MAP4K2: variants seen among roughly 807,000 people sequenced by gnomAD.
MAP4K2 encodes the protein mitogen-activated protein kinase kinase kinase kinase 2.
In MAP4K2, 85 loss-of-function variants were observed where a neutral mutation model predicts 125.3. The observed-to-expected ratio is 0.68, with a 90% CI of 0.57 to 0.81. The LOEUF (loss-of-function observed/expected upper bound fraction) is 0.81, where lower values mean the gene tolerates loss of function less well. Ranked by LOEUF, MAP4K2 falls within the 40% of genes least tolerant of loss-of-function variation. The pLI, the probability that MAP4K2 is intolerant of heterozygous loss-of-function variation, is 0.00. For missense variants in MAP4K2, 923 were observed against 1,056.4 expected (o/e 0.87, Z 1.75); for synonymous variants, 479 against 445.1 (o/e 1.08, Z -0.96).
chr11:64,796,434 G>A (rs1325269879), intron 23 of MAP4K2, 44 bp from the exon 24 acceptor site: 10 of 1,613,582 alleles, frequency 6.2e-6, no homozygotes, highest in African/African-American at 2.7e-5. Context: ...TTGGTGGGCA[G>A]GATGCTGAGG....
At chr11:64,802,810 A>T (rs1003482168) in intron 2 of MAP4K2, 75 bp downstream of exon 2, 1 of 1,524,612 alleles carries the variant, frequency 6.6e-7, no homozygotes, top group African/African-American at 1.4e-5. Context: ...CGGAAACGTC[A>T]ACCCTCCGCC....
chr11:64,802,497 G>A lies in MAP4K2; in HGVS notation c.246-14C>T, dbSNP rs1728962298. On this transcript the variant is annotated splice_polypyrimidine_tract_variant and intron_variant, in intron 3 of 31. Transcript: ENST00000294066. ...AAGCGGTCATTCCTAGGGACAAAGA[G>A]CTGGGGTGGGCACAAAGCAGGTCAC... 3.9e-6 allele frequency: 6 copies of A among 1,545,864 alleles called. No individual in the cohort carries two copies. Among genetic ancestry groups the A allele is most frequent in the Non-Finnish European group, 5.2e-6 (6 of 1,145,648 alleles).
At position 64,797,513 on chromosome 11, in the gene MAP4K2, G is replaced by A. The variant is rs952003324; in HGVS notation, c.1158C>T (p.Ala386=). Residue 386 remains alanine, a synonymous_variant, in exon 17 of 32, where the codon GCC becomes GCT. Coordinates refer to ENST00000294066, the MANE Select transcript of MAP4K2 (RefSeq NM_004579.5). ...LEERSLTIRS[A]SEFQELDSPD... ...CTCTGTGTGGCACCTGGAATTCTGAGGCTGACCGAATAGTCAGACTCCTGT... is the reference window on the plus strand; with the variant it reads ...CTCTGTGTGGCACCTGGAATTCTGAAGCTGACCGAATAGTCAGACTCCTGT... 1.3e-6 allele frequency: 2 copies of A among 1,567,330 alleles called. No individual in the cohort carries two copies. Among genetic ancestry groups the A allele is most frequent in the African/African-American group, 2.7e-5 (2 of 73,828 alleles).
At position 64,789,500 on chromosome 11, in the gene MAP4K2, G is replaced by C; in HGVS notation, c.*37C>G. ...CAAAAGGGCCTGCAGCTAAGGCGTG[G>C]GGTGGGGCGGGGAGCCCCTGGACAG... On this transcript the variant is annotated 3_prime_UTR_variant, in exon 32 of 32. Transcript: ENST00000294066. 6.5e-7 allele frequency: 1 copy of C among 1,540,480 alleles called. No homozygotes were observed.
At position 64,802,474 on chromosome 11, in the gene MAP4K2, G is replaced by T. The variant is rs761007961; in HGVS notation, c.255C>A (p.Arg85=). ...CGCAGAACTCCATGCAGATCCACAA[G>T]CGGTCATTCCTAGGGACAAAGAGCT... ...AYIGSYLRND[R]LWICMEFCGG... is the part of the protein sequence containing the mutation. Residue 85 remains arginine, a synonymous_variant, in exon 4 of 32, where the codon CGC becomes CGA. Coordinates refer to ENST00000294066, the MANE Select transcript of MAP4K2 (RefSeq NM_004579.5). 1.4e-5 allele frequency: 22 copies of T among 1,521,774 alleles called. No individual in the cohort carries two copies. The highest frequency in any genetic ancestry group is 1.9e-5 in the Non-Finnish European group (21 of 1,134,312). The allele number at this position is 1,521,774 out of a possible 1,614,324, so 94.3% of individuals were successfully genotyped here.
At chr11:64,801,963 A>G in intron 5 of MAP4K2, 103 bp downstream of exon 5, 1 of 1,297,664 alleles carries the variant, frequency 7.7e-7, no homozygotes, top group Middle Eastern at 2.7e-4. Context: ...CCCTCGGGCC[A>G]GCCCCACCCG....
chr11:64,795,562 G>A (rs931195348), intron 24 of MAP4K2, among the ~76,000 whole-genome samples: 3 of 151,918 alleles, frequency 2.0e-5, no homozygotes, highest in Non-Finnish European at 2.9e-5. Context: ...CACCACGCCC[G>A]GCTAATTTTT....
rs769218032 is a variant in MAP4K2 at position 64,789,493 on chromosome 11, A to G, written c.*44T>C. On this transcript the variant is annotated 3_prime_UTR_variant, in exon 32 of 32. Transcript: ENST00000294066. ...CTTTGCCCAAAAGGGCCTGCAGCTA[A>G]GGCGTGGGGTGGGGCGGGGAGCCCC... 3.5e-5 allele frequency: 54 copies of G among 1,532,180 alleles called. No homozygotes were observed. In the Middle Eastern group the frequency reaches 7.4e-4, roughly 21 times the overall value. The allele number at this position is 1,532,180 out of a possible 1,614,324, so 94.9% of individuals were successfully genotyped here.
At chr11:64,799,319 C>T in intron 14 of MAP4K2, 102 bp downstream of exon 14, 1 of 1,443,132 alleles carries the variant, frequency 6.9e-7, no homozygotes, top group South Asian at 1.2e-5. Context: ...GGCCCGAGGC[C>T]ACCCAGCTTC....
rs1481771513 is a variant in MAP4K2, at chr11:64,803,036, C to T, written c.96+18G>A. 2 of 1,599,992 alleles carry T rather than the reference C, an allele frequency of 1.3e-6. No individual in the cohort carries two copies. The highest frequency in any genetic ancestry group is 1.1e-5 in the South Asian group (1 of 89,766). ...GGCTGGCACCCTCCTCCCGGCTCTC[C>T]CGCCCGTCCCGTCGCACCTTGTAGA... is the stretch of plus-strand genomic sequence containing the variant. On this transcript the variant is annotated intron_variant, in intron 1 of 31. Transcript: ENST00000294066.
rs1252126365 is a variant in MAP4K2 at position 64,802,656 on chromosome 11, G to A, written c.155-3C>T. 2 of 1,611,982 alleles carry A rather than the reference G, an allele frequency of 1.2e-6. No homozygotes were observed. The highest frequency in any genetic ancestry group is 1.7e-6 in the Non-Finnish European group (2 of 1,179,166). On this transcript the variant is annotated splice_region_variant and splice_polypyrimidine_tract_variant and intron_variant, in intron 2 of 31. Transcript: ENST00000294066. ...CTGGAGGGAGCTGATGTCGTCCCCT[G>A]GGAAGCACAAAGCATCATGGGGAAG...
chr11:64,802,517 G>A, intron 3 of MAP4K2, 34 bp from the exon 4 acceptor site: 1 of 1,568,344 alleles, frequency 6.4e-7, no homozygotes, highest in South Asian at 1.2e-5. Flanking sequence ...GCACAAAGCA[G>A]GTCACATGGG....
chr11:64,792,069 C>A lies in MAP4K2; in HGVS notation c.1932G>T (p.Leu644=). 6.3e-7 allele frequency: 1 copy of A among 1,588,768 alleles called. No individual in the cohort carries two copies. Among genetic ancestry groups the A allele is most frequent in the Non-Finnish European group, 8.6e-7 (1 of 1,167,886 alleles). Residue 644 remains leucine, a synonymous_variant, in exon 27 of 32, where the codon CTG becomes CTT. Coordinates refer to ENST00000294066, the MANE Select transcript of MAP4K2 (RefSeq NM_004579.5). ...FLLLKNFSSP[L]PSPAGMLEPL... The stretch of plus-strand genomic sequence containing the variant: ...GCTCCAGCATCCCAGCTGGGCTGGG[C>A]AGAGGGCTGGAGAAGTTCTAGGGGG...
intron 2 of MAP4K2, 101 bp from the exon 3 acceptor site, chr11:64,802,754 C>G (rs1403596499): frequency 1.4e-6 from 2 of 1,458,210 alleles, no homozygotes; most frequent in Non-Finnish European, 1.9e-6. Context: ...CCGGGCCAGG[C>G]AGGTGCAGGT....
rs1346430547 is a variant in MAP4K2, at chr11:64,792,000, C to A, written c.2001G>T (p.Gly667=). The stretch of plus-strand genomic sequence containing the variant: ...AGCCGGGCCCCTCAGGCCCCTCGGC[C>A]CCAACACACACCTGCGGCAGCTCCT... ...DGKELPQVCV[G]AEGPEGPGCR... The change falls in exon 27 of 32, where the codon GGG becomes GGT. Residue 667 remains glycine, a synonymous_variant. Coordinates refer to ENST00000294066, the MANE Select transcript of MAP4K2 (RefSeq NM_004579.5). 1 of 1,601,766 alleles carries A rather than the reference C, an allele frequency of 6.2e-7. No homozygotes were observed. The highest frequency in any genetic ancestry group is 1.7e-5 in the Admixed American group (1 of 58,726).
chr11:64,801,008 A>G lies in MAP4K2; in HGVS notation c.554T>C (p.Val185Ala), dbSNP rs747038060. ...PYWMAPEVAA[V>A]ERKGGYNELC... The stretch of plus-strand genomic sequence containing the variant: ...CTCATTGTAGCCACCTTTGCGCTCC[A>G]CAGCAGCCACCTCGGGAGCCATCCT... Residue 185 changes from valine (V) to alanine (A), a missense_variant, in exon 9 of 32, where the codon GTG becomes GCG. Physicochemically the swap from Val to Ala is moderately conservative, Grantham distance 64. Transcript: ENST00000294066. The G allele has an allele frequency of 2.6e-5, 42 of 1,613,784 alleles. No homozygotes were observed. Among genetic ancestry groups the G allele is most frequent in the Non-Finnish European group, 3.2e-5 (38 of 1,180,002 alleles).
rs1443781330 is a variant in MAP4K2 at position 64,797,006 on chromosome 11, C to A, written c.1383G>T (p.Gly461=). 6.2e-7 allele frequency: 1 copy of A among 1,613,830 alleles called. No homozygotes were observed. The highest frequency in any genetic ancestry group is 8.5e-7 in the Non-Finnish European group (1 of 1,179,918). The change falls in exon 20 of 32, where the codon GGG becomes GGT. Residue 461 remains glycine, a synonymous_variant. Coordinates refer to ENST00000294066, the MANE Select transcript of MAP4K2 (RefSeq NM_004579.5). ...REDPERSSCH[G]LPPTPKVHMG... ...CATGCACCTTGGGAGTTGGGGGGAGCCCGTGGCAGGATGACCTCTGGGAGG... is the reference window on the plus strand; with the variant it reads ...CATGCACCTTGGGAGTTGGGGGGAGACCGTGGCAGGATGACCTCTGGGAGG...
In MAP4K2 at chr11:64,789,618, G is replaced by A; in HGVS notation, c.2382C>T (p.Ile794=). The change falls in exon 32 of 32, where the codon ATC becomes ATT. Residue 794 remains isoleucine (I), a synonymous_variant. Transcript: ENST00000294066. ...IFRVLGAHRD[I]ILESIPTDNP... Reference sequence around the variant, plus strand: ...TGTCAGTGGGAATGCTCTCCAGGATGATGTCTCTGGAGGAGAGAGGAGTAG... The same window carrying A: ...TGTCAGTGGGAATGCTCTCCAGGATAATGTCTCTGGAGGAGAGAGGAGTAG... 1 of 1,609,546 alleles carries A rather than the reference G, an allele frequency of 6.2e-7. No homozygotes were observed. The highest frequency in any genetic ancestry group is 1.1e-5 in the South Asian group (1 of 90,216).
chr11:64,797,787 G>A, intron 15 of MAP4K2, 123 bp from the exon 16 acceptor site: 3 of 929,856 alleles, frequency 3.2e-6, no homozygotes, highest in East Asian at 2.9e-5. Context: ...CTCACTGCAA[G>A]CTCCGCCCCC....
Sources: gnomAD v4.1 joint callset for allele counts (sites outside exome capture counted in the v4.1 genomes callset) on GRCh38, gnomAD v4.1.1 for gene constraint, MANE v1.5 for transcripts, NCBI Gene and HGNC (gene_info 2026-07-23, HGNC 2026-07-21) for gene names.